The following ANO2 variants were observed in gnomAD, a reference collection of about 807,000 sequenced individuals.
ANO2 encodes anoctamin 2, also known as anoctamin-2.
In ANO2, 101 loss-of-function variants were observed where a neutral mutation model predicts 124.2. That is an observed-to-expected ratio of 0.81 (90% CI 0.69 to 0.96). ANO2 has a LOEUF of 0.96. ANO2 is among the 40% of genes least tolerant of loss of function. ANO2 has a pLI of 0.00. For synonymous variants in ANO2, 486 were observed against 482.5 expected (o/e 1.01, Z -0.09); for missense variants, 1,293 against 1,274.5 (o/e 1.01, Z -0.22).
At chr12:5,850,772 C>A in intron 4 of ANO2, among the ~76,000 whole-genome samples, 1 of 152,162 alleles carries the variant, frequency 6.6e-6, no homozygotes, top group East Asian at 1.9e-4. Flanking sequence ...GACTTTCTTA[C>A]AGAGGGAGCA....
chr12:5,773,486 G>T lies in ANO2; in HGVS notation c.1056-22516C>A, dbSNP rs538261599. ...TTAGAAACTGGATCTTAGATCAGAAGATTTATATGAGTTAATTAAGTGCTT... is the reference window on the plus strand; with the variant it reads ...TTAGAAACTGGATCTTAGATCAGAATATTTATATGAGTTAATTAAGTGCTT... On this transcript the variant is annotated intron_variant, in intron 10 of 24. Coordinates refer to ENST00000682330, the MANE Select transcript of ANO2 (RefSeq NM_001364791.2). Among the ~76,000 whole-genome samples the T allele has an allele frequency of 5.9e-5, 9 of 152,282 alleles. No homozygotes were observed. In the South Asian group the frequency reaches 1.2e-3, roughly 21 times the overall value.
intron 3 of ANO2, among the ~76,000 whole-genome samples, chr12:5,864,212 G>A (rs73257218): frequency 0.017 from 2,515 of 152,306 alleles, 67 homozygotes; most frequent in African/African-American, 0.053. Context: ...AAGTGAGGAT[G>A]AAGATAAAAG....
intron 10 of ANO2, among the ~76,000 whole-genome samples, chr12:5,795,756 A>G (rs1425975476): frequency 6.6e-6 from 1 of 152,182 alleles, no homozygotes; most frequent in African/African-American, 2.4e-5. Context: ...AACTTTAGTA[A>G]AAAGACAGAT....
chr12:5,899,362 C>T (rs542353787), intron 3 of ANO2, among the ~76,000 whole-genome samples: 59 of 152,312 alleles, frequency 3.9e-4, no homozygotes, highest in Admixed American at 1.1e-3. Context: ...TAAAATCACA[C>T]GGTCCCTCAG....
At chr12:5,717,237 A>T (rs1295328056) in intron 14 of ANO2, among the ~76,000 whole-genome samples, 1 of 152,062 alleles carries the variant, frequency 6.6e-6, no homozygotes, top group African/African-American at 2.4e-5. Context: ...TCCTTCCCAC[A>T]CCTCCTACCA....
chr12:5,605,509 T>G (rs1044170468), intron 19 of ANO2, among the ~76,000 whole-genome samples: 10 of 152,206 alleles, frequency 6.6e-5, no homozygotes, highest in African/African-American at 1.9e-4. Context: ...CTGCTCTGTC[T>G]GTCTCAAAGC....
chr12:5,898,574 C>T (rs1002427461), intron 3 of ANO2, among the ~76,000 whole-genome samples: 6 of 152,218 alleles, frequency 3.9e-5, no homozygotes, highest in Admixed American at 3.9e-4. Flanking sequence ...CACTACTACA[C>T]ACAACCATAT....
At chr12:5,808,064 C>T (rs1178603932) in intron 7 of ANO2, among the ~76,000 whole-genome samples, 1 of 152,244 alleles carries the variant, frequency 6.6e-6, no homozygotes, top group Non-Finnish European at 1.5e-5. Flanking sequence ...TGTATTCTTG[C>T]ACTTTCACAA....
At chr12:5,785,160 A>G (rs1282584238) in intron 10 of ANO2, among the ~76,000 whole-genome samples, 1 of 152,184 alleles carries the variant, frequency 6.6e-6, no homozygotes, top group East Asian at 1.9e-4. Context: ...AGGCTGGAAG[A>G]TGTCACTTGA....
In ANO2 at chr12:5,615,066, G is replaced by A. The variant is rs902571799; in HGVS notation, c.1928+120C>T. 1.2e-5 allele frequency: 8 copies of A among 658,434 alleles called. No homozygotes were observed. In the African/African-American group the frequency reaches 1.5e-4, roughly 12 times the overall value. The allele number at this position is 658,434 out of a possible 1,614,324, so 40.8% of individuals were successfully genotyped here. ...TCCATGGGAAGGCAGGTGAAAGTGG[G>A]GCGGAGAAGGGGCTGACGCTGAGTG... On this transcript the variant is annotated intron_variant, in intron 17 of 24. Transcript: ENST00000682330.
intron 9 of ANO2, among the ~76,000 whole-genome samples, chr12:5,802,192 A>C (rs1460270520): frequency 6.6e-6 from 1 of 152,194 alleles, no homozygotes; most frequent in Non-Finnish European, 1.5e-5. Flanking sequence ...TCCCTGGTTG[A>C]ATCCCAGATC....
chr12:5,702,276 C>G (rs978813803), intron 14 of ANO2, among the ~76,000 whole-genome samples: 1 of 152,108 alleles, frequency 6.6e-6, no homozygotes, highest in Admixed American at 6.5e-5. Context: ...ACTACACTGA[C>G]TGCTGCAGAA....
chr12:5,756,046 A>G (rs910511839), intron 10 of ANO2, among the ~76,000 whole-genome samples: 1 of 151,458 alleles, frequency 6.6e-6, no homozygotes, highest in Admixed American at 6.6e-5. Flanking sequence ...TCACTTTTCA[A>G]CCTTTCTGTT....
intron 10 of ANO2, among the ~76,000 whole-genome samples, chr12:5,760,785 C>G (rs1951717327): frequency 1.3e-5 from 2 of 152,220 alleles, no homozygotes; most frequent in Middle Eastern, 6.8e-3. Flanking sequence ...CCTTTAACAC[C>G]TAAAACTCCT....
chr12:5,850,286 C>T (rs899621874), intron 4 of ANO2, among the ~76,000 whole-genome samples: 13 of 151,748 alleles, frequency 8.6e-5, no homozygotes, highest in African/African-American at 1.7e-4. Context: ...CGTGGTGGCG[C>T]GTACTTATAG....
chr12:5,808,714 C>G (rs543973183), intron 7 of ANO2, among the ~76,000 whole-genome samples: 2 of 152,278 alleles, frequency 1.3e-5, no homozygotes, highest in South Asian at 2.1e-4. Flanking sequence ...GAATAAACGC[C>G]GAGGTTGGAT....
At chr12:5,735,196 C>T (rs1950808384) in intron 13 of ANO2, among the ~76,000 whole-genome samples, 1 of 152,154 alleles carries the variant, frequency 6.6e-6, no homozygotes, top group Non-Finnish European at 1.5e-5. Flanking sequence ...GCAGATCAGC[C>T]TGATACTCCT....
At chr12:5,813,716 C>A (rs1353238257) in intron 7 of ANO2, among the ~76,000 whole-genome samples, 1 of 152,188 alleles carries the variant, frequency 6.6e-6, no homozygotes, top group East Asian at 1.9e-4. Context: ...CCTGGCCACA[C>A]CCCTGGTACC....
intron 4 of ANO2, among the ~76,000 whole-genome samples, chr12:5,850,536 CTGTTT>C (rs1954853994): frequency 6.6e-6 from 1 of 152,108 alleles, no homozygotes; most frequent in Non-Finnish European, 1.5e-5. Context: ...AAAGTTCTTT[CTGTTT>C]TATCTGCAGC....
Sources: allele counts gnomAD v4.1 joint callset (sites outside exome capture counted in the v4.1 genomes callset), GRCh38; gene constraint gnomAD v4.1.1; transcripts MANE v1.5; gene names NCBI Gene and HGNC (gene_info 2026-07-23, HGNC 2026-07-21).